The following DAB1 variants were observed in gnomAD, a reference collection of about 807,000 sequenced individuals.
The protein encoded by DAB1 is DAB adaptor protein 1.
DAB1 carries 15 observed loss-of-function variants against 64.6 expected under a neutral mutation model. The observed-to-expected ratio is 0.23, with a 90% CI of 0.16 to 0.36. DAB1 has a LOEUF of 0.36. Among genes scored for constraint, DAB1 ranks in the 10% least tolerant of loss-of-function variants. DAB1 has a pLI of 1.00. For missense variants in DAB1, 596 were observed against 706.7 expected (o/e 0.84, Z 1.78); for synonymous variants, 235 against 251.9 (o/e 0.93, Z 0.64).
intron 4 of DAB1, among the ~76,000 whole-genome samples, chr1:58,184,934 G>T (rs925789483): frequency 1.3e-5 from 2 of 152,124 alleles, no homozygotes; most frequent in Admixed American, 1.3e-4. Context: ...TGTGTCTAAG[G>T]GAACAGTCAA....
At chr1:58,123,543 C>T (rs1038668575) in intron 5 of DAB1, among the ~76,000 whole-genome samples, 3 of 152,120 alleles carry the variant, frequency 2.0e-5, no homozygotes, top group South Asian at 2.1e-4. Context: ...TTTACCTTGA[C>T]GAAGCTCCCA....
At chr1:58,046,475 C>T (rs573176048) in intron 5 of DAB1, among the ~76,000 whole-genome samples, 2 of 151,022 alleles carry the variant, frequency 1.3e-5, no homozygotes, top group Non-Finnish European at 3.0e-5. Flanking sequence ...ATTTTTTTTT[C>T]GAAGGTAGGA....
chr1:57,224,966 G>T (rs541561051), intron 2 of DAB1, among the ~76,000 whole-genome samples: 4 of 152,254 alleles, frequency 2.6e-5, no homozygotes, highest in African/African-American at 9.6e-5. Flanking sequence ...CAAATCTCTT[G>T]TATTAAAAAA....
At chr1:58,507,369 T>C (rs1210689413) in intron 2 of DAB1, among the ~76,000 whole-genome samples, 1 of 151,976 alleles carries the variant, frequency 6.6e-6, no homozygotes, top group Non-Finnish European at 1.5e-5. Context: ...AATATATTAA[T>C]AGAACACTGC....
At chr1:57,954,108 G>A (rs961713730) in intron 5 of DAB1, among the ~76,000 whole-genome samples, 2 of 152,124 alleles carry the variant, frequency 1.3e-5, no homozygotes, top group Non-Finnish European at 2.9e-5. Flanking sequence ...TGCTTCCAGT[G>A]GGGATGAGGG....
chr1:57,806,764 T>C lies in DAB1; in HGVS notation n.551+77235A>G, dbSNP rs1208580288. On this transcript the variant is annotated intron_variant and non_coding_transcript_variant, in intron 6 of 20. Transcript: ENST00000485760. ...TTTCCTTAACTCCTTTACCTCTTTATTCAGTAAACCATTCTTTGGGTACTT... is the reference window on the plus strand; with the variant it reads ...TTTCCTTAACTCCTTTACCTCTTTACTCAGTAAACCATTCTTTGGGTACTT... Among the ~76,000 whole-genome samples, 29 of 152,224 alleles carry C rather than the reference T, an allele frequency of 1.9e-4. 1 individual carries two copies. The highest frequency in any genetic ancestry group is 1.8e-3 in the Admixed American group (28 of 15,278).
intron 2 of DAB1, among the ~76,000 whole-genome samples, chr1:58,525,812 A>G (rs2100462313): frequency 6.6e-6 from 1 of 152,246 alleles, no homozygotes; most frequent in Non-Finnish European, 1.5e-5. Flanking sequence ...AGGTATCAAC[A>G]CTTACTACAA....
chr1:58,200,823 GC>G (rs1657956286), intron 4 of DAB1, among the ~76,000 whole-genome samples: 1 of 152,112 alleles, frequency 6.6e-6, no homozygotes, highest in African/African-American at 2.4e-5. Context: ...ACTGACATGT[GC>G]AACCAAAACA....
chr1:57,317,016 T>C (rs1474005168), intron 1 of DAB1, among the ~76,000 whole-genome samples: 3 of 152,146 alleles, frequency 2.0e-5, no homozygotes, highest in African/African-American at 7.2e-5. Flanking sequence ...ATAAATTAGG[T>C]TATAGAAAGA....
At chr1:58,318,067 G>T (rs1662598191) in intron 4 of DAB1, among the ~76,000 whole-genome samples, 1 of 152,058 alleles carries the variant, frequency 6.6e-6, no homozygotes, top group African/African-American at 2.4e-5. Flanking sequence ...GAGCACATAG[G>T]AAAAAAGGAG....
chr1:57,525,216 A>T (rs1644576922), intron 7 of DAB1, among the ~76,000 whole-genome samples: 2 of 152,226 alleles, frequency 1.3e-5, no homozygotes, highest in Non-Finnish European at 2.9e-5. Context: ...TCAGTATGGA[A>T]GAATGGTCAT....
At chr1:58,513,145 A>G (rs1019026715) in intron 2 of DAB1, among the ~76,000 whole-genome samples, 2 of 152,118 alleles carry the variant, frequency 1.3e-5, no homozygotes, top group Non-Finnish European at 2.9e-5. Flanking sequence ...GGATCATGAC[A>G]GCAGTTCCCC....
rs1399602956 is a variant in DAB1, at chr1:57,132,744, A to G, written c.306+3799T>C. On this transcript the variant is annotated intron_variant, in intron 4 of 14. Transcript: ENST00000371236. ...TAATCATATATGGGTTATACTGTCA[A>G]CATTCTATCTATCCAAGACAAACTA... 2.0e-5 allele frequency among the ~76,000 whole-genome samples: 3 copies of G among 152,154 alleles called. No individual in the cohort carries two copies. In the South Asian group the frequency reaches 6.2e-4, roughly 32 times the overall value.
chr1:57,493,380 T>C (rs911313573), intron 7 of DAB1, among the ~76,000 whole-genome samples: 8 of 152,200 alleles, frequency 5.3e-5, no homozygotes, highest in African/African-American at 1.4e-4. Context: ...TGAGTAGGAA[T>C]GTACAGTATT....
intron 5 of DAB1, among the ~76,000 whole-genome samples, chr1:57,931,990 A>G (rs1644959642): frequency 6.6e-6 from 1 of 152,106 alleles, no homozygotes; most frequent in South Asian, 2.1e-4. Context: ...CAATGCTACA[A>G]ATTTCCCTCT....
intron 4 of DAB1, among the ~76,000 whole-genome samples, chr1:57,086,648 C>CACAT (rs1553139519): frequency 3.0e-5 from 4 of 133,406 alleles, no homozygotes; most frequent in African/African-American, 1.3e-4. Context: ...GTCTTAAACA[C>CACAT]ACACACACAC....
intron 5 of DAB1, among the ~76,000 whole-genome samples, chr1:57,981,020 A>C (rs1236735444): frequency 6.6e-6 from 1 of 152,026 alleles, no homozygotes. Flanking sequence ...GGGAAAGTTC[A>C]AAATTAGCCT....
chr1:58,417,427 G>A (rs554600440), intron 3 of DAB1, among the ~76,000 whole-genome samples: 1 of 152,200 alleles, frequency 6.6e-6, no homozygotes. Context: ...CAAGGGAAGA[G>A]AATCTGGTTG....
Position 57,190,065 on chromosome 1 carries a change from G to A in DAB1, c.68-44636C>T, listed in dbSNP as rs572826144. The stretch of plus-strand genomic sequence containing the variant: ...CAGGGCCCAAAGGGAGGTTACTTTA[G>A]AGTAGTGGTTCTCAAACCTGAGTGT... On this transcript the variant is annotated intron_variant, in intron 2 of 14. Transcript: ENST00000371236. Among the ~76,000 whole-genome samples, 10 of 152,258 alleles carry A rather than the reference G, an allele frequency of 6.6e-5. No individual in the cohort carries two copies. In the South Asian group the frequency reaches 1.7e-3, roughly 25 times the overall value.
Sources: gnomAD v4.1 joint callset for allele counts (sites outside exome capture counted in the v4.1 genomes callset) on GRCh38, gnomAD v4.1.1 for gene constraint, MANE v1.5 for transcripts, NCBI Gene and HGNC (gene_info 2026-07-23, HGNC 2026-07-21) for gene names.